RBFOX1: variants seen among roughly 807,000 people sequenced by gnomAD.
RBFOX1 encodes the protein RNA binding protein fox-1 homolog 1.
Under a neutral mutation model 57.7 loss-of-function variants are expected in RBFOX1, and 8 were observed. That is an observed-to-expected ratio of 0.14 (90% CI 0.08 to 0.25). RBFOX1 has a LOEUF of 0.25. Ranked by LOEUF, RBFOX1 falls within the 10% of genes least tolerant of loss-of-function variation. The pLI is 1.00. For synonymous variants in RBFOX1, 326 were observed against 222.4 expected (o/e 1.47, Z -4.15); for missense variants, 611 against 548.5 (o/e 1.11, Z -1.14).
chr16:5,495,376 A>G (rs1246644579), intron 2 of RBFOX1, among the ~76,000 whole-genome samples: 2 of 152,192 alleles, frequency 1.3e-5, no homozygotes, highest in African/African-American at 4.8e-5. Flanking sequence ...CTTTTAAACA[A>G]CCAGATCTCG....
intron 4 of RBFOX1, among the ~76,000 whole-genome samples, chr16:7,083,114 T>A (rs1005442059): frequency 6.6e-6 from 1 of 152,200 alleles, no homozygotes; most frequent in Non-Finnish European, 1.5e-5. Flanking sequence ...GTTTGAGGAA[T>A]TGATTGAATC....
At chr16:7,333,199 G>C in intron 4 of RBFOX1, 1 of 978,022 alleles carries the variant, frequency 1.0e-6, no homozygotes, top group Non-Finnish European at 1.6e-6. Context: ...AAAAGCCCTC[G>C]CGTAGTCAGT....
At chr16:6,929,730 T>C (rs535716827) in intron 3 of RBFOX1, among the ~76,000 whole-genome samples, 13 of 152,328 alleles carry the variant, frequency 8.5e-5, no homozygotes, top group African/African-American at 2.9e-4. Flanking sequence ...CATTTATTAT[T>C]TATGAAATGC....
chr16:6,845,658 C>T (rs72768819), intron 3 of RBFOX1, among the ~76,000 whole-genome samples: 29 of 142,946 alleles, frequency 2.0e-4, no homozygotes, highest in Non-Finnish European at 3.4e-4. Context: ...GTTTCTCATT[C>T]TACAAAGAGA....
chr16:6,974,788 C>G (rs767423687), intron 3 of RBFOX1, among the ~76,000 whole-genome samples: 8 of 152,112 alleles, frequency 5.3e-5, no homozygotes, highest in Non-Finnish European at 1.0e-4. Flanking sequence ...TGTTTGCAAA[C>G]CTTGATGAAG....
intron 1 of RBFOX1, among the ~76,000 whole-genome samples, chr16:6,151,617 T>G (rs1476063133): frequency 6.6e-6 from 1 of 152,162 alleles, no homozygotes; most frequent in Non-Finnish European, 1.5e-5. Flanking sequence ...TTCTCCATCT[T>G]CATGCATTTA....
chr16:7,513,358 T>C (rs1215374587), intron 4 of RBFOX1, among the ~76,000 whole-genome samples: 2 of 152,166 alleles, frequency 1.3e-5, no homozygotes, highest in Non-Finnish European at 2.9e-5. Context: ...AATGCCTTGG[T>C]TTAACTCTTG....
chr16:6,813,220 C>T (rs2089199417), intron 3 of RBFOX1, among the ~76,000 whole-genome samples: 1 of 152,134 alleles, frequency 6.6e-6, no homozygotes, highest in Non-Finnish European at 1.5e-5. Context: ...TGGCTAATTA[C>T]TGAAATTTAC....
At chr16:6,138,479 A>C (rs534919138) in intron 1 of RBFOX1, among the ~76,000 whole-genome samples, 2 of 152,154 alleles carry the variant, frequency 1.3e-5, no homozygotes, top group African/African-American at 4.8e-5. Context: ...CCTTGCAGTC[A>C]TAGGATTTGT....
At chr16:5,442,032 G>A (rs952114345) in intron 1 of RBFOX1, among the ~76,000 whole-genome samples, 4 of 152,142 alleles carry the variant, frequency 2.6e-5, no homozygotes, top group Non-Finnish European at 4.4e-5. Context: ...TATGACCGGG[G>A]AGATAGACAT....
At chr16:6,294,632 T>C (rs977184440) in intron 1 of RBFOX1, among the ~76,000 whole-genome samples, 1 of 152,206 alleles carries the variant, frequency 6.6e-6, no homozygotes, top group Non-Finnish European at 1.5e-5. Flanking sequence ...TGAGATCCTA[T>C]AGAGTCTACT....
intron 3 of RBFOX1, among the ~76,000 whole-genome samples, chr16:6,677,169 A>G (rs1039239449): frequency 7.9e-5 from 12 of 152,218 alleles, no homozygotes; most frequent in South Asian, 2.1e-4. Context: ...AAAATATTCA[A>G]TGAAAGTACC....
At chr16:7,379,426 G>C (rs1409242579) in intron 4 of RBFOX1, among the ~76,000 whole-genome samples, 1 of 152,176 alleles carries the variant, frequency 6.6e-6, no homozygotes, top group African/African-American at 2.4e-5. Flanking sequence ...TGGAATACTA[G>C]AAAGCAGTGG....
At chr16:6,713,838 G>C (rs2064207604) in intron 3 of RBFOX1, among the ~76,000 whole-genome samples, 1 of 152,198 alleles carries the variant, frequency 6.6e-6, no homozygotes, top group South Asian at 2.1e-4. Flanking sequence ...GTAGTAGGGT[G>C]ATGGCAAGAT....
intron 2 of RBFOX1, among the ~76,000 whole-genome samples, chr16:6,508,413 C>G (rs868617786): frequency 2.6e-4 from 40 of 152,184 alleles, no homozygotes; most frequent in African/African-American, 9.6e-4. Flanking sequence ...GAACTGTACA[C>G]TTAAGAATTG....
intron 4 of RBFOX1, among the ~76,000 whole-genome samples, chr16:7,423,655 C>T (rs1418422670): frequency 1.3e-5 from 2 of 152,118 alleles, no homozygotes; most frequent in African/African-American, 2.4e-5. Flanking sequence ...TTATATGGTG[C>T]ATGTGATTTG....
intron 3 of RBFOX1, among the ~76,000 whole-genome samples, chr16:7,013,037 C>G (rs564835178): frequency 3.3e-5 from 5 of 152,188 alleles, no homozygotes; most frequent in East Asian, 1.9e-4. Context: ...CCCTCTCTTT[C>G]TCTCCTTTTA....
chr16:7,685,750 AC>A (rs1681851288), intron 14 of RBFOX1, among the ~76,000 whole-genome samples: 1 of 152,090 alleles, frequency 6.6e-6, no homozygotes, highest in Non-Finnish European at 1.5e-5. Flanking sequence ...AATCTCTAAG[AC>A]ACACTGTAAC....
chr16:5,389,887 G>A (rs2066357510), intron 1 of RBFOX1, among the ~76,000 whole-genome samples: 1 of 151,902 alleles, frequency 6.6e-6, no homozygotes, highest in Admixed American at 6.6e-5. Context: ...TGGTAGAGAT[G>A]GAGCTTCACC....
Sources: allele counts gnomAD v4.1 joint callset (sites outside exome capture counted in the v4.1 genomes callset), GRCh38; gene constraint gnomAD v4.1.1; transcripts MANE v1.5; gene names NCBI Gene and HGNC (gene_info 2026-07-23, HGNC 2026-07-21).